The following CNTN4 variants were observed in gnomAD, a reference collection of about 807,000 sequenced individuals.
CNTN4 encodes contactin 4, also known as contactin-4.
Under a neutral mutation model 122.5 loss-of-function variants are expected in CNTN4, and 77 were observed. That is an observed-to-expected ratio of 0.63 (90% CI 0.52 to 0.76). The LOEUF (loss-of-function observed/expected upper bound fraction) is 0.76, where lower values mean the gene tolerates loss of function less well. Among genes scored for constraint, CNTN4 ranks in the 30% least tolerant of loss-of-function variants. The pLI is 0.00. For synonymous variants in CNTN4, 512 were observed against 447.0 expected, an observed-to-expected ratio of 1.15 and a Z score of -1.83; for missense variants, 1,256 against 1,259.1, an observed-to-expected ratio of 1.00 and a Z score of 0.04.
chr3:2,395,782 T>C (rs1001421336), intron 3 of CNTN4, among the ~76,000 whole-genome samples: 3 of 152,196 alleles, frequency 2.0e-5, no homozygotes, highest in African/African-American at 7.2e-5. Context: ...TCATTCCTTT[T>C]TATGGCTGTA....
intron 14 of CNTN4, among the ~76,000 whole-genome samples, chr3:2,999,998 C>T (rs1695882626): frequency 6.6e-6 from 1 of 152,034 alleles, no homozygotes; most frequent in African/African-American, 2.4e-5. Flanking sequence ...AAGTAGTATT[C>T]AAAATTAGTT....
At chr3:3,021,332 T>TTAA (rs1698270331) in intron 14 of CNTN4, among the ~76,000 whole-genome samples, 1 of 152,204 alleles carries the variant, frequency 6.6e-6, no homozygotes, top group South Asian at 2.1e-4. Flanking sequence ...TCCGTAGAGA[T>TTAA]GCTACCTCAG....
At chr3:2,885,147 T>A (rs544845541) in intron 9 of CNTN4, among the ~76,000 whole-genome samples, 1 of 152,324 alleles carries the variant, frequency 6.6e-6, no homozygotes, top group East Asian at 1.9e-4. Flanking sequence ...TTAGCAAGTC[T>A]TTAGTCTAAT....
intron 3 of CNTN4, among the ~76,000 whole-genome samples, chr3:2,451,871 A>C (rs1031622009): frequency 2.0e-5 from 3 of 152,080 alleles, no homozygotes; most frequent in Non-Finnish European, 2.9e-5. Context: ...TACTTTTGTA[A>C]ATTTTAACCC....
chr3:2,196,908 G>A (rs1214177966), intron 2 of CNTN4, among the ~76,000 whole-genome samples: 1 of 151,940 alleles, frequency 6.6e-6, no homozygotes, highest in Non-Finnish European at 1.5e-5. Context: ...GCCAGGCATG[G>A]TGGTGCATGC....
chr3:2,981,316 C>T (rs344388), intron 13 of CNTN4, among the ~76,000 whole-genome samples: 58,225 of 149,932 alleles, frequency 0.39, 11,665 homozygotes, highest in African/African-American at 0.49. Context: ...TGGTGGCGGG[C>T]GCCTGTAGTC....
rs1398088194 is a variant in CNTN4, at chr3:2,177,973, T to C, written c.-145+77334T>C. ...AAAATTTTTTATACTTTACCTTATATGTCCTTATTCCATATTCCTAAATTT... is the reference window on the plus strand; with the variant it reads ...AAAATTTTTTATACTTTACCTTATACGTCCTTATTCCATATTCCTAAATTT... On this transcript the variant is annotated intron_variant, in intron 2 of 24. Transcript: ENST00000418658. 2.0e-5 allele frequency among the ~76,000 whole-genome samples: 3 copies of C among 152,206 alleles called. No individual in the cohort carries two copies. The East Asian group carries it at 5.8e-4, about 29-fold the overall frequency.
chr3:2,571,390 A>G, intron 3 of CNTN4, 26 bp from the exon 4 acceptor site: 2 of 779,122 alleles, frequency 2.6e-6, no homozygotes, highest in Non-Finnish European at 4.6e-6. Flanking sequence ...CCCAAATCTC[A>G]TTGTAATGTC....
intron 3 of CNTN4, among the ~76,000 whole-genome samples, chr3:2,536,319 G>A (rs1385480182): frequency 6.6e-6 from 1 of 152,108 alleles, no homozygotes; most frequent in Admixed American, 6.5e-5. Context: ...TAATCCTACT[G>A]CTTTTAGGCT....
intron 14 of CNTN4, among the ~76,000 whole-genome samples, chr3:3,008,254 G>T (rs1696848137): frequency 6.6e-6 from 1 of 152,064 alleles, no homozygotes; most frequent in African/African-American, 2.4e-5. Context: ...CTCGTATCCA[G>T]ACCTGTTTGG....
chr3:2,900,585 T>C (rs577406996), intron 10 of CNTN4, 100 bp from the exon 11 acceptor site: 1 of 1,329,352 alleles, frequency 7.5e-7, no homozygotes, highest in East Asian at 2.3e-5. Flanking sequence ...GGAAAAGGAA[T>C]TTTATTATAA....
intron 3 of CNTN4, among the ~76,000 whole-genome samples, chr3:2,458,555 A>G (rs966046731): frequency 1.3e-5 from 2 of 152,172 alleles, no homozygotes; most frequent in African/African-American, 4.8e-5. Context: ...GTTGATAGAG[A>G]TCATTTGGGA....
At chr3:2,943,782 C>G (rs1048929440) in intron 13 of CNTN4, among the ~76,000 whole-genome samples, 9 of 151,578 alleles carry the variant, frequency 5.9e-5, no homozygotes, top group African/African-American at 2.2e-4. Context: ...CACCACCACA[C>G]CCAGCTAATT....
intron 2 of CNTN4, among the ~76,000 whole-genome samples, chr3:2,227,231 T>C (rs770380087): frequency 3.9e-5 from 6 of 152,206 alleles, no homozygotes; most frequent in Non-Finnish European, 7.4e-5. Context: ...TACATTCCTA[T>C]ATTTTCACTT....
chr3:2,263,765 C>T (rs1420015387), intron 2 of CNTN4, among the ~76,000 whole-genome samples: 1 of 152,026 alleles, frequency 6.6e-6, no homozygotes, highest in Non-Finnish European at 1.5e-5. Context: ...CTTTAACCAA[C>T]TTCTCTTCAT....
At chr3:2,679,245 G>A (rs2085036994) in intron 4 of CNTN4, among the ~76,000 whole-genome samples, 1 of 151,982 alleles carries the variant, frequency 6.6e-6, no homozygotes, top group African/African-American at 2.4e-5. Context: ...ACTAATCATT[G>A]GAGATATTGC....
intron 2 of CNTN4, among the ~76,000 whole-genome samples, chr3:2,122,118 G>A (rs2033836908): frequency 6.7e-6 from 1 of 150,056 alleles, no homozygotes; most frequent in African/African-American, 2.5e-5. Flanking sequence ...TTGCGCCACT[G>A]CACTCCAGCC....
intron 13 of CNTN4, among the ~76,000 whole-genome samples, chr3:2,981,843 C>T (rs1694052076): frequency 6.6e-6 from 1 of 151,990 alleles, no homozygotes; most frequent in Admixed American, 6.6e-5. Flanking sequence ...TCAGAAGTTT[C>T]AGACCAGCCT....
chr3:2,388,921 G>GC (rs36069808), intron 3 of CNTN4, among the ~76,000 whole-genome samples: 24,794 of 151,986 alleles, frequency 0.16, 2,485 homozygotes, highest in Middle Eastern at 0.26. Context: ...ACTTTGGGAG[G>GC]CCGGGGTGGG....
Sources: gnomAD v4.1 joint callset for allele counts (sites outside exome capture counted in the v4.1 genomes callset) on GRCh38, gnomAD v4.1.1 for gene constraint, MANE v1.5 for transcripts, NCBI Gene and HGNC (gene_info 2026-07-23, HGNC 2026-07-21) for gene names.